Variants in SPATA13 observed in about 807,000 individuals in gnomAD.
SPATA13 encodes spermatogenesis-associated protein 13.
Under a neutral mutation model 104.0 loss-of-function variants are expected in SPATA13, and 50 were observed. The observed-to-expected ratio is 0.48, with a 90% CI of 0.38 to 0.61. SPATA13 has a LOEUF of 0.61. Among genes scored for constraint, SPATA13 ranks in the 20% least tolerant of loss-of-function variants. The pLI is 0.00. For missense variants in SPATA13, 1,524 were observed against 1,690.6 expected, an observed-to-expected ratio of 0.90 and a Z score of 1.73; for synonymous variants, 606 against 667.5, an observed-to-expected ratio of 0.91 and a Z score of 1.42.
intron 10 of SPATA13, 102 bp from the exon 11 acceptor site, chr13:24,297,261 A>G (rs1876849101): frequency 7.1e-7 from 1 of 1,416,402 alleles, no homozygotes; most frequent in Admixed American, 2.2e-5. Context: ...GCTGGTCTCA[A>G]ACTCTTGGCC....
At chr13:24,200,966 C>T (rs1870364844) in intron 1 of SPATA13, among the ~76,000 whole-genome samples, 2 of 151,940 alleles carry the variant, frequency 1.3e-5, no homozygotes, top group African/African-American at 4.8e-5. Context: ...TTCCCCCTCA[C>T]AGGAATGTTG....
intron 3 of SPATA13, among the ~76,000 whole-genome samples, chr13:24,084,450 G>A (rs551683022): frequency 0.013 from 2,012 of 152,264 alleles, 20 homozygotes; most frequent in South Asian, 0.026. Context: ...AGGTACACAG[G>A]ACACTTTTTG....
chr13:24,277,869 T>A (rs1339298884), intron 4 of SPATA13, among the ~76,000 whole-genome samples: 3 of 152,176 alleles, frequency 2.0e-5, no homozygotes, highest in Non-Finnish European at 2.9e-5. Context: ...CATCAAAGCA[T>A]AGCACAAAGA....
At chr13:24,252,249 G>A (rs1254834330) in intron 4 of SPATA13, among the ~76,000 whole-genome samples, 6 of 152,158 alleles carry the variant, frequency 3.9e-5, no homozygotes, top group African/African-American at 1.2e-4. Context: ...GGTGCCCTCA[G>A]TGTTCCTTGG....
chr13:24,191,974 A>G (rs1045207186), intron 1 of SPATA13, among the ~76,000 whole-genome samples: 1 of 152,144 alleles, frequency 6.6e-6, no homozygotes, highest in Non-Finnish European at 1.5e-5. Context: ...GGATTATTAC[A>G]GGGCGAAAAG....
intron 2 of SPATA13, among the ~76,000 whole-genome samples, chr13:23,992,052 A>G (rs1356163946): frequency 2.0e-5 from 3 of 152,212 alleles, no homozygotes; most frequent in Admixed American, 6.5e-5. Flanking sequence ...TATTTTATGT[A>G]ACCCTCACAA....
intron 2 of SPATA13, among the ~76,000 whole-genome samples, chr13:23,993,358 C>G (rs1474336501): frequency 6.6e-6 from 1 of 152,242 alleles, no homozygotes; most frequent in African/African-American, 2.4e-5. Context: ...CTGCCACTAA[C>G]TAGTGTGTGA....
intron 1 of SPATA13, among the ~76,000 whole-genome samples, chr13:24,163,394 A>G (rs1882591362): frequency 6.6e-6 from 1 of 151,896 alleles, no homozygotes. Context: ...AGAACGAGAG[A>G]CTCTGTCTCT....
rs1463670036 is a variant in SPATA13 at position 24,223,913 on chromosome 13, T to A, written c.984T>A (p.Thr328=). 1 of 1,551,578 alleles carries A rather than the reference T, an allele frequency of 6.4e-7. No individual in the cohort carries two copies. The highest frequency in any genetic ancestry group is 8.7e-7 in the Non-Finnish European group (1 of 1,146,958). The change falls in exon 2 of 13, where the codon ACT becomes ACA. Residue 328 remains threonine (T), a synonymous_variant. Coordinates refer to ENST00000382108, the MANE Select transcript of SPATA13 (RefSeq NM_001166271.3). ...TCTTCAAACTTGTGAGCAATGTGAC[T>A]GAGGCTGCCTGGAGGAGGGAGAGTC... ...DRVFKLVSNV[T]EAAWRRESPR...
chr13:24,015,093 C>T (rs1041524306), intron 2 of SPATA13, among the ~76,000 whole-genome samples: 5 of 151,886 alleles, frequency 3.3e-5, no homozygotes, highest in African/African-American at 9.7e-5. Flanking sequence ...AGGGTTTCAC[C>T]GTGTTAGGCA....
At chr13:24,103,502 A>AAC (rs1880327247) in intron 3 of SPATA13, among the ~76,000 whole-genome samples, 1 of 148,454 alleles carries the variant, frequency 6.7e-6, no homozygotes, top group Non-Finnish European at 1.5e-5. Flanking sequence ...AAAAAAAAAA[A>AAC]CAAGAAAGAA....
chr13:24,242,370 G>A (rs1433723924), intron 2 of SPATA13, among the ~76,000 whole-genome samples: 1 of 152,234 alleles, frequency 6.6e-6, no homozygotes, highest in Non-Finnish European at 1.5e-5. Flanking sequence ...AGTGCAGACT[G>A]CGTGTGTGAT....
intron 3 of SPATA13, among the ~76,000 whole-genome samples, chr13:24,146,066 A>G (rs927439926): frequency 2.0e-5 from 3 of 152,238 alleles, no homozygotes; most frequent in Non-Finnish European, 2.9e-5. Context: ...TTTGGCAGCC[A>G]GGAAGAATTT....
At chr13:24,095,857 G>A (rs1880060756) in intron 3 of SPATA13, among the ~76,000 whole-genome samples, 1 of 152,230 alleles carries the variant, frequency 6.6e-6, no homozygotes, top group African/African-American at 2.4e-5. Context: ...AATGGGTCTT[G>A]TTTCTGGTGC....
Position 24,161,254 on chromosome 13 carries a change from C to A in SPATA13, c.-112+322C>A, listed in dbSNP as rs961564642. On this transcript the variant is annotated intron_variant, in intron 1 of 12. Transcript: ENST00000382108. This position sits in a 1 kb window ranked among gnomAD's most constrained non-coding sequence, Gnocchi z 4.5. Reference sequence around the variant, plus strand: ...CTGCAGGGAGGTCGCCTTGTAACTTCACCCGCGCTCCCAGCTCGCGGGGCC... The same window carrying A: ...CTGCAGGGAGGTCGCCTTGTAACTTAACCCGCGCTCCCAGCTCGCGGGGCC... 6.6e-6 allele frequency among the ~76,000 whole-genome samples: 1 copy of A among 152,166 alleles called. No individual in the cohort carries two copies. The highest frequency in any genetic ancestry group is 1.9e-4 in the East Asian group (1 of 5,178).
intron 2 of SPATA13, among the ~76,000 whole-genome samples, chr13:23,999,386 A>AAAAAAAAAAAAAAC: frequency 6.8e-6 from 1 of 148,044 alleles, no homozygotes; most frequent in Non-Finnish European, 1.5e-5. Flanking sequence ...AAAAAAAAAA[A>AAAAAAAAAAAAAAC]AAAGCCTGTT....
intron 3 of SPATA13, chr13:24,123,860 T>A (rs1445849854): frequency 1.4e-6 from 1 of 702,540 alleles, no homozygotes; most frequent in Non-Finnish European, 2.5e-6. Flanking sequence ...TATACAGGAA[T>A]GTTTAAAGCA....
chr13:24,300,456 A>G lies in SPATA13; in HGVS notation c.3639A>G (p.Ala1213=). ...TTGCCATGTTAAATGCTCAAAAGGC[A>G]GGACATGGAAAGTCAAAAGGTAAGT... is the stretch of plus-strand genomic sequence containing the variant. ...KKLAMLNAQK[A]GHGKSKGYNR... is the part of the protein sequence containing the mutation. Residue 1213 remains alanine (A), a synonymous_variant, in exon 12 of 13, where the codon GCA becomes GCG. Transcript: ENST00000382108. The G allele has an allele frequency of 6.2e-7, 1 of 1,614,204 alleles. No homozygotes were observed. The highest frequency in any genetic ancestry group is 8.5e-7 in the Non-Finnish European group (1 of 1,179,994).
At position 24,153,025 on chromosome 13, in the gene SPATA13, G is replaced by A. The variant is rs141583968; in HGVS notation, c.-111-69794G>A. 7.6e-3 allele frequency among the ~76,000 whole-genome samples: 1,153 copies of A among 152,344 alleles called. 3 individuals are homozygous for A. The highest frequency in any genetic ancestry group is 0.012 in the Non-Finnish European group (846 of 68,036). ...ATGCAAAACAAAAGCAGTGTTGTGC[G>A]TGTGTGTGAGAAAAATGTCTATGTT... On this transcript the variant is annotated intron_variant, in intron 3 of 14. Transcript: ENST00000424834.
Sources: allele counts gnomAD v4.1 joint callset (sites outside exome capture counted in the v4.1 genomes callset), GRCh38; gene constraint gnomAD v4.1.1; non-coding constraint Gnocchi (gnomAD v3.1); transcripts MANE v1.5; gene names NCBI Gene and HGNC (gene_info 2026-07-23, HGNC 2026-07-21).